Variants in PCBD2 observed in about 807,000 individuals in gnomAD.
PCBD2 encodes the protein pterin-4 alpha-carbinolamine dehydratase 2.
Under a neutral mutation model 16.4 loss-of-function variants are expected in PCBD2, and 12 were observed. That is an observed-to-expected ratio of 0.73 (90% CI 0.47 to 1.19). The LOEUF (loss-of-function observed/expected upper bound fraction) is 1.19. Among genes scored for constraint, PCBD2 ranks in the 50% most tolerant of loss-of-function variants. The probability of loss-of-function intolerance (pLI) is 0.00; values close to 1 mark genes in which losing one functional copy is unlikely to be tolerated. For synonymous variants in PCBD2, 58 were observed against 61.8 expected, an observed-to-expected ratio of 0.94 and a Z score of 0.29; for missense variants, 138 against 156.8, an observed-to-expected ratio of 0.88 and a Z score of 0.64.
chr5:134,953,033 GTT>G (rs1052025681), intron 2 of PCBD2, among the ~76,000 whole-genome samples: 1 of 145,300 alleles, frequency 6.9e-6, no homozygotes, highest in South Asian at 2.2e-4. Context: ...TTATTAACAA[GTT>G]TTTTTTTTTG....
intron 2 of PCBD2, among the ~76,000 whole-genome samples, chr5:134,915,362 A>G (rs1471569056): frequency 6.7e-6 from 1 of 149,126 alleles, no homozygotes; most frequent in Non-Finnish European, 1.5e-5. Flanking sequence ...CTAGAAATTT[A>G]TCTTCTAAAT....
At chr5:134,946,446 C>T (rs1561914057) in intron 2 of PCBD2, among the ~76,000 whole-genome samples, 1 of 152,140 alleles carries the variant, frequency 6.6e-6, no homozygotes, top group Non-Finnish European at 1.5e-5. Flanking sequence ...ACTGAAGTTC[C>T]TCTGTGGAGT....
intron 1 of PCBD2, among the ~76,000 whole-genome samples, chr5:134,907,388 C>CG (rs1473731952): frequency 6.6e-6 from 1 of 152,076 alleles, no homozygotes; most frequent in Non-Finnish European, 1.5e-5. Context: ...AGACTATAGG[C>CG]GCGTGCCACC....
intron 2 of PCBD2, among the ~76,000 whole-genome samples, chr5:134,956,812 G>A (rs555923863): frequency 5.9e-5 from 9 of 152,350 alleles, no homozygotes; most frequent in African/African-American, 2.2e-4. Flanking sequence ...TTTACCTTGT[G>A]TAGTTTGGTC....
chr5:134,921,487 T>A (rs1028602460), intron 2 of PCBD2, among the ~76,000 whole-genome samples: 1 of 152,050 alleles, frequency 6.6e-6, no homozygotes, highest in African/African-American at 2.4e-5. Flanking sequence ...GAGGACATAC[T>A]TTGTCTGCAG....
intron 2 of PCBD2, among the ~76,000 whole-genome samples, chr5:134,935,564 C>T (rs987434160): frequency 6.6e-6 from 1 of 152,180 alleles, no homozygotes; most frequent in Non-Finnish European, 1.5e-5. Context: ...AGAGAATCTG[C>T]TCCTACAAAT....
chr5:134,911,246 C>T (rs1218900463), intron 2 of PCBD2, among the ~76,000 whole-genome samples: 1 of 152,224 alleles, frequency 6.6e-6, no homozygotes, highest in Non-Finnish European at 1.5e-5. Context: ...AGGCTGCACC[C>T]TTTTCCCTGA....
intron 2 of PCBD2, among the ~76,000 whole-genome samples, chr5:134,933,273 G>A (rs1185109270): frequency 6.6e-6 from 1 of 152,084 alleles, no homozygotes; most frequent in East Asian, 1.9e-4. Context: ...GTCTCACTGT[G>A]TCACCTATGC....
chr5:134,905,543 A>G, intron 1 of PCBD2: 1 of 247,724 alleles, frequency 4.0e-6, no homozygotes, highest in South Asian at 1.8e-4. Flanking sequence ...GTTGCAGAAC[A>G]ATTCGGTGCC....
chr5:134,943,844 T>C lies in PCBD2; in HGVS notation c.217-15196T>C, dbSNP rs115854796. On this transcript the variant is annotated intron_variant, in intron 2 of 3. Transcript: ENST00000254908. ...GTGGAGGGATCCTATTTTACACTGA[T>C]CTTTATGAGCAAAGATAATTATATA... Among the ~76,000 whole-genome samples, 1,026 of 152,332 alleles carry C rather than the reference T, an allele frequency of 6.7e-3. 9 individuals are homozygous for C. The highest frequency in any genetic ancestry group is 0.024 in the African/African-American group (985 of 41,558).
chr5:134,905,905 C>G (rs1263040926), intron 1 of PCBD2, among the ~76,000 whole-genome samples: 1 of 152,338 alleles, frequency 6.6e-6, no homozygotes, highest in Admixed American at 6.5e-5. Flanking sequence ...CGGAGTCTCG[C>G]TGTATCGCCG....
intron 2 of PCBD2, among the ~76,000 whole-genome samples, chr5:134,928,828 G>A (rs762498291): frequency 3.9e-5 from 6 of 152,068 alleles, no homozygotes; most frequent in Non-Finnish European, 8.8e-5. Flanking sequence ...CCCAGATTTC[G>A]GGCCTGGAGG....
chr5:134,933,853 C>G (rs1751126255), intron 2 of PCBD2, among the ~76,000 whole-genome samples: 3 of 152,140 alleles, frequency 2.0e-5, no homozygotes, highest in African/African-American at 4.8e-5. Flanking sequence ...AAAAATCAAG[C>G]CCTTCAAGTT....
Position 134,960,285 on chromosome 5 carries a change from A to C in PCBD2, c.298-301A>C, listed in dbSNP as rs74572908. On this transcript the variant is annotated intron_variant, in intron 3 of 3. Transcript: ENST00000254908. ...GTAACGAGAGTTCAATTGGAACCTC[A>C]GTCTCTCTTTTTATTTAAAGAAACA... 2.9e-4 allele frequency among the ~76,000 whole-genome samples: 44 copies of C among 152,330 alleles called. No homozygotes were observed. In the East Asian group the frequency reaches 7.1e-3, roughly 25 times the overall value.
chr5:134,931,539 G>T (rs531262760), intron 2 of PCBD2, among the ~76,000 whole-genome samples: 3 of 152,130 alleles, frequency 2.0e-5, no homozygotes, highest in Non-Finnish European at 4.4e-5. Flanking sequence ...TTAGGTGTTC[G>T]TATTCCCATT....
Position 134,906,194 on chromosome 5 carries a change from A to ATTTTTTTTTT in PCBD2, c.84+989_84+998dup, listed in dbSNP as rs1158334317. 7.3e-3 allele frequency among the ~76,000 whole-genome samples: 488 copies of ATTTTTTTTTT among 66,518 alleles called. 30 individuals carry two copies. The highest frequency in any genetic ancestry group is 0.014 in the African/African-American group (200 of 14,662). 43.6% of individuals were successfully genotyped at this position (66,518 alleles called of 152,430 possible). ...TGGCCTGAAATTCTTTAATAGAAGAATTTTTTTTTTTTTTTTTTTTTTTTT... is the reference window on the plus strand; with the variant it reads ...TGGCCTGAAATTCTTTAATAGAAGAATTTTTTTTTTTTTTTTTTTTTTTTTTTTTTTTTTT... On this transcript the variant is annotated intron_variant, in intron 1 of 3. Transcript: ENST00000254908.
chr5:134,937,709 G>A (rs1751176956), intron 2 of PCBD2, among the ~76,000 whole-genome samples: 1 of 152,234 alleles, frequency 6.6e-6, no homozygotes, highest in Non-Finnish European at 1.5e-5. Flanking sequence ...CTTCCTGTCA[G>A]AATGGATTAT....
intron 2 of PCBD2, among the ~76,000 whole-genome samples, chr5:134,912,156 CT>C (rs570815570): frequency 6.6e-5 from 10 of 151,850 alleles, no homozygotes; most frequent in Admixed American, 4.6e-4. Context: ...ATTAAGTAGA[CT>C]TTTTTTTTCC....
intron 2 of PCBD2, among the ~76,000 whole-genome samples, chr5:134,937,820 G>A (rs1001518897): frequency 1.7e-4 from 26 of 152,350 alleles, no homozygotes; most frequent in Admixed American, 1.6e-3. Context: ...CATCTGCCCT[G>A]AGAACCACTG....
Sources: allele counts gnomAD v4.1 joint callset (sites outside exome capture counted in the v4.1 genomes callset), GRCh38; gene constraint gnomAD v4.1.1; transcripts MANE v1.5; gene names NCBI Gene and HGNC (gene_info 2026-07-23, HGNC 2026-07-21).